Variants in ANKS1B observed in about 807,000 individuals in gnomAD.
ANKS1B encodes the protein ankyrin repeat and sterile alpha motif domain containing 1B.
In ANKS1B, 36 loss-of-function variants were observed where a neutral mutation model predicts 148.3. The ratio of observed to expected loss-of-function variants is 0.24; its 90% CI spans 0.19 to 0.32. ANKS1B has a LOEUF of 0.32. Among genes scored for constraint, ANKS1B ranks in the 10% least tolerant of loss-of-function variants. The pLI, the probability that ANKS1B is intolerant of heterozygous loss-of-function variation, is 1.00. For missense variants in ANKS1B, 1,157 were observed against 1,542.6 expected, an observed-to-expected ratio of 0.75 and a Z score of 4.19; for synonymous variants, 542 against 560.8, an observed-to-expected ratio of 0.97 and a Z score of 0.47.
intron 19 of ANKS1B, among the ~76,000 whole-genome samples, chr12:98,825,278 A>G (rs1168252728): frequency 6.6e-6 from 1 of 152,198 alleles, no homozygotes; most frequent in East Asian, 1.9e-4. Flanking sequence ...CAAACCTTGG[A>G]AGAACTAAAA....
chr12:99,849,267 G>A (rs1864256), intron 1 of ANKS1B, among the ~76,000 whole-genome samples: 4,814 of 152,048 alleles, frequency 0.032, 231 homozygotes, highest in African/African-American at 0.1. Context: ...ATGTGTGTGT[G>A]TATACATATA....
At chr12:99,050,444 C>T (rs1184672893) in intron 17 of ANKS1B, among the ~76,000 whole-genome samples, 1 of 152,106 alleles carries the variant, frequency 6.6e-6, no homozygotes, top group Non-Finnish European at 1.5e-5. Context: ...AGAGTGTGAA[C>T]TTGCCCATAA....
intron 1 of ANKS1B, among the ~76,000 whole-genome samples, chr12:99,907,453 C>A (rs950591008): frequency 3.3e-5 from 5 of 152,122 alleles, no homozygotes; most frequent in East Asian, 3.8e-4. Context: ...GTGATAGCAA[C>A]CCTATGGTGG....
At chr12:98,874,298 G>A (rs1378183748) in intron 17 of ANKS1B, among the ~76,000 whole-genome samples, 7 of 151,558 alleles carry the variant, frequency 4.6e-5, no homozygotes, top group African/African-American at 1.7e-4. Flanking sequence ...CGAGCTTTAT[G>A]AAGGGAAAAA....
intron 9 of ANKS1B, among the ~76,000 whole-genome samples, chr12:99,518,478 G>C (rs768794219): frequency 2.0e-5 from 3 of 151,634 alleles, no homozygotes; most frequent in Non-Finnish European, 4.4e-5. Context: ...ATTTCTTCTG[G>C]GTTTTCCAAT....
chr12:99,782,006 G>A lies in ANKS1B; in HGVS notation c.745+16C>T. ...TATCTGTCAGGATAAGCTCCATGCA[G>A]AATCACAATAGTTACCTGTTTCTAA... On this transcript the variant is annotated intron_variant, in intron 5 of 26. Coordinates refer to ENST00000683438, the MANE Select transcript of ANKS1B (RefSeq NM_001352186.2). 6.3e-7 allele frequency: 1 copy of A among 1,584,494 alleles called. No individual in the cohort carries two copies. The highest frequency in any genetic ancestry group is 8.6e-7 in the Non-Finnish European group (1 of 1,165,140).
At chr12:99,800,006 G>T (rs1293668811) in intron 4 of ANKS1B, among the ~76,000 whole-genome samples, 1 of 152,122 alleles carries the variant, frequency 6.6e-6, no homozygotes, top group Non-Finnish European at 1.5e-5. Context: ...ATCACTTCTG[G>T]CTGTTTGACT....
At chr12:98,869,199 A>T (rs2099640713) in intron 17 of ANKS1B, among the ~76,000 whole-genome samples, 1 of 152,190 alleles carries the variant, frequency 6.6e-6, no homozygotes, top group South Asian at 2.1e-4. Context: ...TTCACCATTA[A>T]TTATACCCCA....
chr12:99,195,916 A>G (rs566570543), intron 14 of ANKS1B, among the ~76,000 whole-genome samples: 80 of 152,252 alleles, frequency 5.3e-4, no homozygotes, highest in Non-Finnish European at 9.1e-4. Context: ...AATCTAACAT[A>G]ACTTAACCAT....
chr12:99,105,127 A>G (rs2058859912), intron 15 of ANKS1B: 1 of 152,246 alleles, frequency 6.6e-6, no homozygotes, highest in Non-Finnish European at 1.5e-5. Context: ...GAGACCATCT[A>G]GAAAAGTATT....
At chr12:99,241,282 G>A (rs1197876815) in intron 14 of ANKS1B, among the ~76,000 whole-genome samples, 3 of 152,098 alleles carry the variant, frequency 2.0e-5, no homozygotes, top group African/African-American at 4.8e-5. Flanking sequence ...CTACGCAAAT[G>A]AAGTAGAAAA....
chr12:99,315,408 G>A (rs1274231437), intron 12 of ANKS1B, among the ~76,000 whole-genome samples: 11 of 152,108 alleles, frequency 7.2e-5, no homozygotes, highest in Non-Finnish European at 1.6e-4. Flanking sequence ...AAACGATTAT[G>A]AACAGACAGT....
intron 11 of ANKS1B, among the ~76,000 whole-genome samples, chr12:99,443,366 A>C (rs1022423584): frequency 6.6e-6 from 1 of 152,020 alleles, no homozygotes; most frequent in African/African-American, 2.4e-5. Flanking sequence ...AATATGTAAC[A>C]GCTCAATAAT....
At position 99,718,565 on chromosome 12, in the gene ANKS1B, T is replaced by C. The variant is rs556415843; in HGVS notation, c.1128+54357A>G. ...TTACAGCATGGGCTTTTAAAGCCTA[T>C]AAACTCTCCTTACAATTCCCCTATT... On this transcript the variant is annotated intron_variant, in intron 8 of 26. Coordinates refer to ENST00000683438, the MANE Select transcript of ANKS1B (RefSeq NM_001352186.2). 4.6e-5 allele frequency among the ~76,000 whole-genome samples: 7 copies of C among 152,346 alleles called. No individual in the cohort carries two copies. The East Asian group carries it at 9.7e-4, about 21-fold the overall frequency.
intron 14 of ANKS1B, among the ~76,000 whole-genome samples, chr12:99,184,545 G>T (rs1033950714): frequency 6.6e-6 from 1 of 152,132 alleles, no homozygotes; most frequent in African/African-American, 2.4e-5. Context: ...TAGCTATCTT[G>T]TCTATCTATA....
intron 9 of ANKS1B, among the ~76,000 whole-genome samples, chr12:99,631,578 C>A (rs2098161766): frequency 6.6e-6 from 1 of 152,040 alleles, no homozygotes; most frequent in South Asian, 2.1e-4. Flanking sequence ...AACTGAGGAA[C>A]AAGGGAGTGG....
chr12:99,107,669 G>A (rs992625618), intron 15 of ANKS1B, among the ~76,000 whole-genome samples: 1 of 152,112 alleles, frequency 6.6e-6, no homozygotes. Flanking sequence ...GAAATCGCCC[G>A]GCCTGGGATG....
intron 1 of ANKS1B, among the ~76,000 whole-genome samples, chr12:99,844,256 T>C (rs2086246886): frequency 6.6e-6 from 1 of 152,294 alleles, no homozygotes; most frequent in South Asian, 2.1e-4. Context: ...CGATCCTATT[T>C]GTCAATTTTT....
chr12:99,716,046 G>A (rs544581654), intron 8 of ANKS1B, among the ~76,000 whole-genome samples: 1 of 152,142 alleles, frequency 6.6e-6, no homozygotes, highest in South Asian at 2.1e-4. Context: ...TTCACCCTTA[G>A]CAGCAAGTCC....
Sources: gnomAD v4.1 joint callset for allele counts (sites outside exome capture counted in the v4.1 genomes callset) on GRCh38, gnomAD v4.1.1 for gene constraint, MANE v1.5 for transcripts, NCBI Gene and HGNC (gene_info 2026-07-23, HGNC 2026-07-21) for gene names.